Variants in SETBP1 observed in about 807,000 individuals in gnomAD.
SETBP1 encodes the protein SET binding protein 1, also known as SET-binding protein.
SETBP1 carries 9 observed loss-of-function variants against 101.0 expected under a neutral mutation model. The observed-to-expected ratio is 0.09, with a 90% CI of 0.05 to 0.16. The LOEUF (loss-of-function observed/expected upper bound fraction) is 0.16. SETBP1 is among the 10% of genes least tolerant of loss of function. The pLI, the probability that SETBP1 is intolerant of heterozygous loss-of-function variation, is 1.00. For missense variants in SETBP1, 1,858 were observed against 2,033.8 expected (o/e 0.91, Z 1.66); for synonymous variants, 818 against 788.5 (o/e 1.04, Z -0.63).
chr18:44,861,465 C>T (rs1399943339), intron 2 of SETBP1, among the ~76,000 whole-genome samples: 1 of 151,648 alleles, frequency 6.6e-6, no homozygotes, highest in Non-Finnish European at 1.5e-5. Context: ...ATCTCCTGAC[C>T]TCATGATCTG....
chr18:45,014,693 A>C (rs1325751385), intron 4 of SETBP1, among the ~76,000 whole-genome samples: 1 of 152,126 alleles, frequency 6.6e-6, no homozygotes, highest in African/African-American at 2.4e-5. Flanking sequence ...GGTTGCATGC[A>C]TTCAAAATCT....
chr18:44,735,217 C>T (rs930281126), intron 2 of SETBP1, among the ~76,000 whole-genome samples: 2 of 152,192 alleles, frequency 1.3e-5, no homozygotes, highest in African/African-American at 4.8e-5. Flanking sequence ...GTCATGTGTG[C>T]TGAAATCAAT....
chr18:44,720,659 G>T (rs2069566871), intron 2 of SETBP1, among the ~76,000 whole-genome samples: 1 of 152,192 alleles, frequency 6.6e-6, no homozygotes, highest in Non-Finnish European at 1.5e-5. Context: ...AGAGAGTACA[G>T]GGAGGGATGG....
At position 45,057,843 on chromosome 18, in the gene SETBP1, G is replaced by A. The variant is rs535088885; in HGVS notation, c.4172-5236G>A. Among the ~76,000 whole-genome samples, 14 of 152,300 alleles carry A rather than the reference G, an allele frequency of 9.2e-5. No individual in the cohort carries two copies. The East Asian group carries it at 2.7e-3, about 29-fold the overall frequency. ...CCACAAACATGAGTGTCTATTTCTT[G>A]AGAATCTTCTATATAACTAAGCCTT... On this transcript the variant is annotated intron_variant, in intron 5 of 5. Transcript: ENST00000649279.
chr18:44,928,089 C>A (rs1006773172), intron 3 of SETBP1, among the ~76,000 whole-genome samples: 2 of 152,146 alleles, frequency 1.3e-5, no homozygotes, highest in African/African-American at 2.4e-5. Flanking sequence ...CCTCACCCCA[C>A]CCCACGACAG....
At chr18:44,993,789 A>G (rs2072432476) in intron 4 of SETBP1, among the ~76,000 whole-genome samples, 1 of 152,078 alleles carries the variant, frequency 6.6e-6, no homozygotes, top group Non-Finnish European at 1.5e-5. Context: ...CCTACATGAA[A>G]GTTATAGGAA....
At chr18:44,985,838 C>T (rs530752029) in intron 4 of SETBP1, among the ~76,000 whole-genome samples, 2 of 152,276 alleles carry the variant, frequency 1.3e-5, no homozygotes, top group South Asian at 4.2e-4. Flanking sequence ...ATGAAGGGCA[C>T]AGAGATCCTG....
intron 5 of SETBP1, among the ~76,000 whole-genome samples, chr18:45,056,830 C>T (rs2145572732): frequency 6.6e-6 from 1 of 152,336 alleles, no homozygotes; most frequent in East Asian, 1.9e-4. Context: ...CTGCCCACCT[C>T]TCCTACCTTG....
chr18:44,951,787 C>A lies in SETBP1; in HGVS notation c.2447C>A (p.Thr816Asn), dbSNP rs779562371. ...PNLQPISALP[T>N]KTQKGIHSGT... ...CTCCAGCCCATCAGTGCTCTTCCAACCAAAACCCAAAAGGGAATACACAGT... is the reference window on the plus strand; with the variant it reads ...CTCCAGCCCATCAGTGCTCTTCCAAACAAAACCCAAAAGGGAATACACAGT... Residue 816 changes from threonine (T) to asparagine (N), a missense_variant, in exon 4 of 6, where the codon ACC becomes AAC. By Grantham distance (65) the Thr-to-Asn change is moderately conservative (BLOSUM62 0). This residue lies in a region of SETBP1 where 121 missense variants were observed against 138.0 expected (regional missense o/e 0.88). Transcript: ENST00000649279. This position sits in a 1 kb window ranked among gnomAD's most constrained non-coding sequence, Gnocchi z 7.8. 2 of 1,614,124 alleles carry A rather than the reference C, an allele frequency of 1.2e-6. No individual in the cohort carries two copies. The highest frequency in any genetic ancestry group is 1.7e-6 in the Non-Finnish European group (2 of 1,180,034).
At chr18:44,684,958 A>AT (rs1444850123) in intron 1 of SETBP1, among the ~76,000 whole-genome samples, 1 of 152,056 alleles carries the variant, frequency 6.6e-6, no homozygotes, top group Non-Finnish European at 1.5e-5. Flanking sequence ...AGGAACCATT[A>AT]TTTTTTAATG....
chr18:44,902,070 A>G (rs892871833), intron 3 of SETBP1, among the ~76,000 whole-genome samples: 2 of 152,180 alleles, frequency 1.3e-5, no homozygotes, highest in East Asian at 3.9e-4. Flanking sequence ...ATTAAAATTA[A>G]GTACAATTTA....
chr18:44,904,129 C>T (rs1367211486), intron 3 of SETBP1, among the ~76,000 whole-genome samples: 2 of 152,082 alleles, frequency 1.3e-5, no homozygotes, highest in African/African-American at 2.4e-5. Flanking sequence ...ATTTTGCAAA[C>T]AGGAAATACA....
chr18:44,796,958 C>T (rs953009845), intron 2 of SETBP1, among the ~76,000 whole-genome samples: 2 of 152,182 alleles, frequency 1.3e-5, no homozygotes, highest in South Asian at 2.1e-4. Context: ...TCTGGACTTC[C>T]GCCTACCTGA....
At chr18:44,839,791 A>G (rs2072579491) in intron 2 of SETBP1, among the ~76,000 whole-genome samples, 1 of 152,202 alleles carries the variant, frequency 6.6e-6, no homozygotes. Flanking sequence ...GCACAGGATA[A>G]ACATTTGTGG....
In SETBP1 at chr18:44,927,971, T is replaced by C. The variant is rs2070741840; in HGVS notation, c.541-21910T>C. ...TATACTTTAAGTTCTAGGGTACATA[T>C]GCACAATGTGCAGCTTTGTTACATA... On this transcript the variant is annotated intron_variant, in intron 3 of 5. Transcript: ENST00000649279. 2.6e-5 allele frequency among the ~76,000 whole-genome samples: 4 copies of C among 152,338 alleles called. No homozygotes were observed. In the South Asian group the frequency reaches 8.3e-4, roughly 32 times the overall value.
chr18:44,709,682 C>A (rs1241862699), intron 2 of SETBP1, among the ~76,000 whole-genome samples: 2 of 152,130 alleles, frequency 1.3e-5, no homozygotes, highest in African/African-American at 4.8e-5. Context: ...AGTGGGCACA[C>A]AGTGATCTGC....
chr18:44,685,992 G>A (rs2068832471), intron 1 of SETBP1, among the ~76,000 whole-genome samples: 1 of 152,200 alleles, frequency 6.6e-6, no homozygotes, highest in Non-Finnish European at 1.5e-5. Context: ...AAAAAGATGT[G>A]CAAACACACA....
intron 3 of SETBP1, chr18:44,872,234 C>T (rs1464022841): frequency 1.3e-5 from 2 of 151,932 alleles, no homozygotes; most frequent in Non-Finnish European, 2.9e-5. Context: ...ATGCTTTTTT[C>T]CCTCTAATAT....
intron 2 of SETBP1, among the ~76,000 whole-genome samples, chr18:44,803,027 C>T (rs1013844916): frequency 3.9e-5 from 6 of 152,086 alleles, no homozygotes; most frequent in African/African-American, 1.4e-4. Context: ...TTCCAAAGCA[C>T]AGAGCCCCAT....
Sources: gnomAD v4.1 joint callset for allele counts (sites outside exome capture counted in the v4.1 genomes callset) on GRCh38, gnomAD v4.1.1 for gene constraint, gnomAD v4.1.1 regional missense constraint, Gnocchi (gnomAD v3.1) non-coding constraint, MANE v1.5 for transcripts, NCBI Gene and HGNC (gene_info 2026-07-23, HGNC 2026-07-21) for gene names.